PROM1: variants seen among roughly 807,000 people sequenced by gnomAD.
PROM1 encodes the protein prominin 1.
A neutral mutation model predicts 116.9 loss-of-function variants in PROM1; 105 were observed. The observed-to-expected ratio is 0.90, with a 90% CI of 0.77 to 1.06. PROM1 has a LOEUF of 1.06. Ranked by LOEUF, PROM1 falls within the 50% of genes least tolerant of loss-of-function variation. The probability of loss-of-function intolerance (pLI) is 0.00; values close to 1 mark genes in which losing one functional copy is unlikely to be tolerated. For missense variants in PROM1, 1,122 were observed against 1,045.2 expected (o/e 1.07, Z -1.01); for synonymous variants, 393 against 387.0 (o/e 1.02, Z -0.18).
At chr4:16,061,129 ATTG>A (rs1488300564) in intron 2 of PROM1, among the ~76,000 whole-genome samples, 1 of 152,230 alleles carries the variant, frequency 6.6e-6, no homozygotes, top group Non-Finnish European at 1.5e-5. Context: ...TTGGAAATAA[ATTG>A]TTAAGTCCCT....
At chr4:15,970,560 A>AT (rs1714255104) in intron 27 of PROM1, among the ~76,000 whole-genome samples, 1 of 150,972 alleles carries the variant, frequency 6.6e-6, no homozygotes, top group Non-Finnish European at 1.5e-5. Flanking sequence ...GTGTGTGTGT[A>AT]TATATATATA....
At position 16,040,432 on chromosome 4, in the gene PROM1, C is replaced by G. The variant is rs1405856548; in HGVS notation, c.221-1431G>C. 3.3e-5 allele frequency among the ~76,000 whole-genome samples: 5 copies of G among 152,204 alleles called. No homozygotes were observed. The East Asian group carries it at 9.6e-4, about 29-fold the overall frequency. On this transcript the variant is annotated intron_variant, in intron 2 of 27. Transcript: ENST00000447510. Reference sequence around the variant, plus strand: ...TTCAACCAGTCAGCATTACTTTGGTCTGTTTTACAGATCAGGCTTTAACAT... The same window carrying G: ...TTCAACCAGTCAGCATTACTTTGGTGTGTTTTACAGATCAGGCTTTAACAT...
Position 15,979,475 on chromosome 4 carries a change from A to G in PROM1, c.2514-12T>C, listed in dbSNP as rs372124362. 1.6e-5 allele frequency: 26 copies of G among 1,603,194 alleles called. No homozygotes were observed. In the African/African-American group the frequency reaches 3.1e-4, roughly 19 times the overall value. Reference sequence around the variant, plus strand: ...TACCATTTTCCATACTGTAACAGAAATAAATACACCAAAAACACCATGTTA... The same window carrying G: ...TACCATTTTCCATACTGTAACAGAAGTAAATACACCAAAAACACCATGTTA... On this transcript the variant is annotated splice_polypyrimidine_tract_variant and intron_variant, in intron 25 of 27. Transcript: ENST00000447510.
At chr4:16,013,193 A>G in intron 11 of PROM1, 82 bp downstream of exon 11, 1 of 1,112,242 alleles carries the variant, frequency 9.0e-7, no homozygotes, top group Non-Finnish European at 1.3e-6. Context: ...TTTTAAGAGG[A>G]AAAGAACAAT....
rs747151897 is a variant in PROM1, at chr4:15,968,700, T to A, written c.*693A>T. The A allele has an allele frequency of 6.6e-6, 1 of 152,234 alleles. No homozygotes were observed. The highest frequency in any genetic ancestry group is 1.5e-5 in the Non-Finnish European group (1 of 68,040). The allele number at this position is 152,234 out of a possible 1,614,324, so 9.4% of individuals were successfully genotyped here. A position where few individuals can be genotyped will look rare whatever the true frequency, so the allele number is the denominator to read the frequency against. On this transcript the variant is annotated 3_prime_UTR_variant, in exon 28 of 28. Coordinates refer to ENST00000447510, the MANE Select transcript of PROM1 (RefSeq NM_006017.3). ...CTCTCTCTCTTTTGAATTTGTCAGA[T>A]GGAGTTACGCAGGTTTCTCTATGAT...
intron 2 of PROM1, among the ~76,000 whole-genome samples, chr4:16,053,253 G>T (rs1284134243): frequency 6.6e-6 from 1 of 152,164 alleles, no homozygotes; most frequent in African/African-American, 2.4e-5. Context: ...CAGGTTTGAG[G>T]TTATTCAAAA....
intron 2 of PROM1, among the ~76,000 whole-genome samples, chr4:16,059,993 A>C (rs1739933799): frequency 2.0e-5 from 3 of 152,200 alleles, no homozygotes; most frequent in Non-Finnish European, 4.4e-5. Flanking sequence ...AGTAATATAT[A>C]CAGTATTTTT....
At chr4:16,005,747 C>T (rs1400040548) in intron 13 of PROM1, among the ~76,000 whole-genome samples, 3 of 152,124 alleles carry the variant, frequency 2.0e-5, no homozygotes, top group Non-Finnish European at 2.9e-5. Context: ...ATCTCACTCC[C>T]TACTGCTGAT....
chr4:16,041,779 TAAATAA>T (rs1290984906), intron 2 of PROM1, among the ~76,000 whole-genome samples: 4,354 of 33,856 alleles, frequency 0.13, 84 homozygotes, highest in African/African-American at 0.2. Context: ...AATAAATAAA[TAAATAA>T]ATATATATAT....
In PROM1 at chr4:16,024,324, G is replaced by A. The variant is rs1277573420; in HGVS notation, c.665C>T (p.Thr222Ile). The change falls in exon 7 of 28, where the codon ACC (threonine) becomes ATC (isoleucine). Residue 222 changes from threonine to isoleucine, a missense_variant. Physicochemically the swap from Thr to Ile is moderately conservative, Grantham distance 89. Coordinates refer to ENST00000447510, the MANE Select transcript of PROM1 (RefSeq NM_006017.3). ...IKYILAQYNT[T>I]KDKAFTDLNS... ...CAGATCTGTGAACGCCTTGTCCTTG[G>A]TAGTGTTGTACTGGGCCAATATATA... The A allele has an allele frequency of 2.5e-6, 4 of 1,613,540 alleles. No homozygotes were observed. Among genetic ancestry groups the A allele is most frequent in the South Asian group, 2.2e-5 (2 of 90,962 alleles).
chr4:15,989,596 T>C (rs565559897), intron 19 of PROM1, 136 bp downstream of exon 19: 125 of 751,954 alleles, frequency 1.7e-4, no homozygotes, highest in Non-Finnish European at 2.8e-4. Flanking sequence ...AAAGGCCAGC[T>C]CAACTTCTGG....
intron 2 of PROM1, among the ~76,000 whole-genome samples, chr4:16,051,332 G>T (rs1412827239): frequency 2.0e-5 from 3 of 152,208 alleles, no homozygotes; most frequent in Admixed American, 6.5e-5. Flanking sequence ...CTATTTAATG[G>T]CTGTGTGGCC....
chr4:15,978,772 C>T (rs1362120050), intron 26 of PROM1, among the ~76,000 whole-genome samples: 1 of 152,208 alleles, frequency 6.6e-6, no homozygotes, highest in Admixed American at 6.5e-5. Flanking sequence ...CTCTTATAAG[C>T]AGATAGGTCC....
rs536622788 is a variant in PROM1 at position 16,000,606 on chromosome 4, T to A, written c.1468A>T (p.Ser490Cys). The part of the protein sequence containing the change: ...GVFLMVGVGL[S>C]FLFCWILMII... ...ATCAATATCCAGCAAAAGAGGAAAC[T>A]TAATCCAACTCCACTGGAAAAAAAT... Residue 490 changes from serine (S) to cysteine (C), a missense_variant, in exon 14 of 28, where the codon AGT becomes TGT. By Grantham distance (112) the Ser-to-Cys change is moderately radical. Transcript: ENST00000447510. 11 of 1,567,682 alleles carry A rather than the reference T, an allele frequency of 7.0e-6. No individual in the cohort carries two copies. In the East Asian group the frequency reaches 2.0e-4, roughly 29 times the overall value.
chr4:16,073,578 T>C (rs112283991), intron 2 of PROM1, among the ~76,000 whole-genome samples: 16 of 152,308 alleles, frequency 1.1e-4, no homozygotes, highest in African/African-American at 3.8e-4. Context: ...AACTCAATAT[T>C]ATATTACTTA....
chr4:16,062,184 C>T (rs13131097), intron 2 of PROM1, among the ~76,000 whole-genome samples: 69,925 of 151,922 alleles, frequency 0.46, 16,595 homozygotes, highest in Non-Finnish European at 0.53. Flanking sequence ...AGCCACCGCA[C>T]CCGGCCACAA....
chr4:16,012,287 G>A (rs1379169947), intron 11 of PROM1, among the ~76,000 whole-genome samples: 2 of 152,140 alleles, frequency 1.3e-5, no homozygotes, highest in African/African-American at 4.8e-5. Context: ...GTGAGCCACT[G>A]CGCCCAGCCC....
chr4:16,039,504 G>T (rs1252378698), intron 2 of PROM1, among the ~76,000 whole-genome samples: 1 of 152,188 alleles, frequency 6.6e-6, no homozygotes, highest in South Asian at 2.1e-4. Context: ...TTGGGACACA[G>T]AGGCAGGTGG....
intron 14 of PROM1, among the ~76,000 whole-genome samples, chr4:16,000,158 T>C (rs1723402786): frequency 6.6e-6 from 1 of 152,212 alleles, no homozygotes; most frequent in Non-Finnish European, 1.5e-5. Flanking sequence ...TCTTCTGATG[T>C]TCCCAGCCAC....
Sources: allele counts gnomAD v4.1 joint callset (sites outside exome capture counted in the v4.1 genomes callset), GRCh38; gene constraint gnomAD v4.1.1; transcripts MANE v1.5; gene names NCBI Gene and HGNC (gene_info 2026-07-23, HGNC 2026-07-21).